The following RAD54L2 variants were observed in gnomAD, a reference collection of about 807,000 sequenced individuals.
RAD54L2 encodes RAD54 like 2, also known as helicase ARIP4.
In RAD54L2, 27 loss-of-function variants were observed where a neutral mutation model predicts 138.4. The ratio of observed to expected loss-of-function variants is 0.20; its 90% CI spans 0.14 to 0.27. The LOEUF (loss-of-function observed/expected upper bound fraction) is 0.27, where lower values mean the gene tolerates loss of function less well. Among genes scored for constraint, RAD54L2 ranks in the 10% least tolerant of loss-of-function variants. The pLI, the probability that RAD54L2 is intolerant of heterozygous loss-of-function variation, is 1.00. For missense variants in RAD54L2, 1,396 were observed against 1,890.2 expected, an observed-to-expected ratio of 0.74 and a Z score of 4.85; for synonymous variants, 644 against 723.2, an observed-to-expected ratio of 0.89 and a Z score of 1.76.
At chr3:51,600,897 G>A (rs1280273263) in intron 3 of RAD54L2, among the ~76,000 whole-genome samples, 1 of 152,102 alleles carries the variant, frequency 6.6e-6, no homozygotes, top group Non-Finnish European at 1.5e-5. Context: ...AACCCAGGAG[G>A]CGGAGGTTGC....
chr3:51,623,086 A>G (rs1176633772), intron 3 of RAD54L2, among the ~76,000 whole-genome samples: 1 of 152,212 alleles, frequency 6.6e-6, no homozygotes, highest in Non-Finnish European at 1.5e-5. Context: ...GCAGATGTTC[A>G]TATGTGTGTT....
chr3:51,646,615 T>C, intron 19 of RAD54L2, 134 bp downstream of exon 19: 1 of 994,322 alleles, frequency 1.0e-6, no homozygotes, highest in Non-Finnish European at 1.4e-6. Flanking sequence ...TGCTCTAGGG[T>C]AGGTGTGAAA....
intron 2 of RAD54L2, among the ~76,000 whole-genome samples, chr3:51,548,529 C>A (rs1163214811): frequency 6.6e-6 from 1 of 152,128 alleles, no homozygotes; most frequent in East Asian, 1.9e-4. Flanking sequence ...CCCAACAACC[C>A]TGTGAGGCAA....
At chr3:51,542,994 T>C (rs1256107938) in intron 2 of RAD54L2, among the ~76,000 whole-genome samples, 2 of 152,208 alleles carry the variant, frequency 1.3e-5, no homozygotes, top group African/African-American at 2.4e-5. Context: ...CTGGCATTCT[T>C]CTGCTGGCAC....
intron 1 of RAD54L2, among the ~76,000 whole-genome samples, chr3:51,540,294 A>G (rs1553671070): frequency 6.6e-6 from 1 of 152,244 alleles, no homozygotes; most frequent in Non-Finnish European, 1.5e-5. Flanking sequence ...TCTTACTGCC[A>G]TGAAGTGAGT....
chr3:51,570,735 A>G (rs1287398546), intron 2 of RAD54L2, among the ~76,000 whole-genome samples: 3 of 152,064 alleles, frequency 2.0e-5, no homozygotes, highest in Non-Finnish European at 2.9e-5. Flanking sequence ...GATTACAGGC[A>G]TGAGCCACCG....
chr3:51,620,407 CTTTTTTTTTTTTTTTT>C (rs60585256), intron 3 of RAD54L2, among the ~76,000 whole-genome samples: 12 of 82,558 alleles, frequency 1.5e-4, no homozygotes, highest in African/African-American at 5.1e-4. Context: ...TCCTACTGGT[CTTTTTTTTTTTTTTTT>C]TTTTTTTTAA....
rs1283029805 is a variant in RAD54L2 at position 51,629,331 on chromosome 3, T to C, written c.342-3T>C. ...AAGTGCTGTCTCTTATGTGAATGTT[T>C]AGAAAGCTACTCCGGGAGGATCAAT... On this transcript the variant is annotated splice_polypyrimidine_tract_variant and splice_region_variant and intron_variant, in intron 4 of 22. Coordinates refer to ENST00000684192, the MANE Select transcript of RAD54L2 (RefSeq NM_015106.4). 2.5e-6 allele frequency: 4 copies of C among 1,581,750 alleles called. No homozygotes were observed. Among genetic ancestry groups the C allele is most frequent in the South Asian group, 1.2e-5 (1 of 86,326 alleles).
At chr3:51,586,567 C>CTT (rs35274115) in intron 2 of RAD54L2, among the ~76,000 whole-genome samples, 20 of 136,842 alleles carry the variant, frequency 1.5e-4, no homozygotes, top group South Asian at 2.3e-4. Flanking sequence ...AAAGAAAACA[C>CTT]TTTTTTTTTT....
chr3:51,646,444 A>C lies in RAD54L2; in HGVS notation c.2989A>C (p.Ser997Arg). ...GCAGTATTACCCTGCCAGCGATCAG[A>C]GCCTGACCAGCATCCCCGCCTTCAG... is the stretch of plus-strand genomic sequence containing the variant. ...YAQYYPASDQ[S>R]LTSIPAFSQR... The change falls in exon 19 of 23, where the codon AGC (serine) becomes CGC (arginine). Residue 997 changes from serine to arginine, a missense_variant. By Grantham distance (110) the Ser-to-Arg change is moderately radical (BLOSUM62 -1). Around this residue, in one of 7 missense-constraint regions of RAD54L2, gnomAD observed 634 missense variants for 711.2 expected, o/e 0.89. Coordinates refer to ENST00000684192, the MANE Select transcript of RAD54L2 (RefSeq NM_015106.4). 1.2e-6 allele frequency: 2 copies of C among 1,612,566 alleles called. No homozygotes were observed. The highest frequency in any genetic ancestry group is 2.2e-5 in the South Asian group (2 of 90,896).
chr3:51,664,975 G>A lies in RAD54L2; in HGVS notation c.*1555G>A, dbSNP rs1701883570. 6.6e-6 allele frequency: 1 copy of A among 152,132 alleles called. No individual in the cohort carries two copies. 9.4% of individuals were successfully genotyped at this position (152,132 alleles called of 1,614,324 possible). A position where few individuals can be genotyped will look rare whatever the true frequency, so the allele number is the denominator to read the frequency against. ...AAATATCTTCAGGTGGTCCATGTAGGCCTGGTGTCTGCTGCCTCCATCTTT... is the reference window on the plus strand; with the variant it reads ...AAATATCTTCAGGTGGTCCATGTAGACCTGGTGTCTGCTGCCTCCATCTTT... On this transcript the variant is annotated 3_prime_UTR_variant, in exon 23 of 23. Coordinates refer to ENST00000684192, the MANE Select transcript of RAD54L2 (RefSeq NM_015106.4).
Position 51,666,826 on chromosome 3 carries a change from T to C in RAD54L2, c.*3406T>C, listed in dbSNP as rs190568450. ...TCCCTAGGAATTAGTGTGTGGAGTC[T>C]CTATATGCTTGTGATCCTTGGAGCT... On this transcript the variant is annotated 3_prime_UTR_variant, in exon 23 of 23. Transcript: ENST00000684192. The C allele has an allele frequency of 2.2e-4, 33 of 152,230 alleles. No individual in the cohort carries two copies. The highest frequency in any genetic ancestry group is 3.4e-3 in the Middle Eastern group (1 of 294). The allele number at this position is 152,230 out of a possible 1,614,324, so 9.4% of individuals were successfully genotyped here. A position where few individuals can be genotyped will look rare whatever the true frequency, so the allele number is the denominator to read the frequency against.
intron 3 of RAD54L2, among the ~76,000 whole-genome samples, chr3:51,614,602 C>G (rs1237850371): frequency 6.6e-6 from 1 of 151,976 alleles, no homozygotes; most frequent in Non-Finnish European, 1.5e-5. Flanking sequence ...CAACCTTGAA[C>G]TCCTTGGCTT....
At position 51,644,941 on chromosome 3, in the gene RAD54L2, G is replaced by A. The variant is rs1031196783; in HGVS notation, c.2451-83G>A. On this transcript the variant is annotated intron_variant, in intron 16 of 22. Coordinates refer to ENST00000684192, the MANE Select transcript of RAD54L2 (RefSeq NM_015106.4). ...AGGGCTTAGGACAGAGTAATATTGG[G>A]GTAGAAGTCACAGAGGGCAAAACTG... 9 of 1,363,368 alleles carry A rather than the reference G, an allele frequency of 6.6e-6. No individual in the cohort carries two copies. In the African/African-American group the frequency reaches 1.3e-4, roughly 20 times the overall value. 84.5% of individuals were successfully genotyped at this position (1,363,368 alleles called of 1,614,324 possible). A position where few individuals can be genotyped will look rare whatever the true frequency, so the allele number is the denominator to read the frequency against.
At chr3:51,616,544 T>C (rs1231277138) in intron 3 of RAD54L2, among the ~76,000 whole-genome samples, 1 of 152,198 alleles carries the variant, frequency 6.6e-6, no homozygotes, top group African/African-American at 2.4e-5. Flanking sequence ...ATATCCACTG[T>C]CAGCTGGGCG....
chr3:51,628,245 T>C (rs1314509960), intron 4 of RAD54L2, among the ~76,000 whole-genome samples: 1 of 151,836 alleles, frequency 6.6e-6, no homozygotes, highest in Non-Finnish European at 1.5e-5. Context: ...CAAATAACAA[T>C]GCGTGCCATT....
At position 51,579,283 on chromosome 3, in the gene RAD54L2, G is replaced by A. The variant is rs193093789; in HGVS notation, c.-54-11084G>A. Among the ~76,000 whole-genome samples, 18 of 151,914 alleles carry A rather than the reference G, an allele frequency of 1.2e-4. No homozygotes were observed. The South Asian group carries it at 3.1e-3, about 26-fold the overall frequency. ...CTGGGATTTTTATGGGTGCAGGATG[G>A]GGGGCAGGGCGGGCCATGGGTGGTT... On this transcript the variant is annotated intron_variant, in intron 2 of 22. Coordinates refer to ENST00000684192, the MANE Select transcript of RAD54L2 (RefSeq NM_015106.4).
chr3:51,555,518 G>A (rs961964869), intron 2 of RAD54L2, among the ~76,000 whole-genome samples: 16 of 152,090 alleles, frequency 1.1e-4, no homozygotes, highest in African/African-American at 3.1e-4. Flanking sequence ...TTAGCCAGGC[G>A]TGGTGTTGCA....
chr3:51,639,673 G>A lies in RAD54L2; in HGVS notation c.2112+3G>A. ...ACAACATTGTCACATATGAATGGGT[G>A]AGTCAAGCAGATCCTTCAGGAACCA... is the stretch of plus-strand genomic sequence containing the variant. On this transcript the variant is annotated splice_donor_region_variant and intron_variant, in intron 13 of 22. Transcript: ENST00000684192. The A allele has an allele frequency of 6.2e-7, 1 of 1,613,282 alleles. No homozygotes were observed. Among genetic ancestry groups the A allele is most frequent in the Non-Finnish European group, 8.5e-7 (1 of 1,179,594 alleles).
Sources: gnomAD v4.1 joint callset for allele counts (sites outside exome capture counted in the v4.1 genomes callset) on GRCh38, gnomAD v4.1.1 for gene constraint, gnomAD v4.1.1 regional missense constraint, MANE v1.5 for transcripts, NCBI Gene and HGNC (gene_info 2026-07-23, HGNC 2026-07-21) for gene names.